LRP6: variants seen among roughly 807,000 people sequenced by gnomAD.
LRP6 encodes low-density lipoprotein receptor-related protein 6.
A neutral mutation model predicts 184.1 loss-of-function variants in LRP6; 43 were observed. That is an observed-to-expected ratio of 0.23 (90% confidence interval 0.18 to 0.30). The LOEUF is 0.30. Ranked by LOEUF, LRP6 falls within the 10% of genes least tolerant of loss-of-function variation. LRP6 has a pLI of 1.00. For synonymous variants in LRP6, 719 were observed against 684.9 expected, an observed-to-expected ratio of 1.05 and a Z score of -0.78; for missense variants, 1,571 against 2,005.3, an observed-to-expected ratio of 0.78 and a Z score of 4.14.
chr12:12,213,165 G>A (rs943185857), intron 2 of LRP6, among the ~76,000 whole-genome samples: 1 of 151,996 alleles, frequency 6.6e-6, no homozygotes, highest in East Asian at 1.9e-4. Context: ...AAAATCAAAT[G>A]TGTGTGGAAG....
chr12:12,208,367 C>CA (rs916063141), intron 2 of LRP6, among the ~76,000 whole-genome samples: 17 of 152,148 alleles, frequency 1.1e-4, no homozygotes, highest in African/African-American at 3.9e-4. Flanking sequence ...TAACAATCAA[C>CA]AAAAAAATAT....
At chr12:12,261,378 G>A (rs1191528547) in intron 1 of LRP6, among the ~76,000 whole-genome samples, 1 of 151,190 alleles carries the variant, frequency 6.6e-6, no homozygotes, top group Non-Finnish European at 1.5e-5. Flanking sequence ...ACTCCAGCCT[G>A]GGCGACAGAG....
intron 2 of LRP6, among the ~76,000 whole-genome samples, chr12:12,209,543 T>C (rs1864151958): frequency 6.6e-6 from 1 of 152,194 alleles, no homozygotes; most frequent in African/African-American, 2.4e-5. Flanking sequence ...CAGATGTGCC[T>C]TCATTTGTGC....
In LRP6 at chr12:12,159,087, T is replaced by C. The variant is rs774860358; in HGVS notation, c.2533A>G (p.Ile845Val). Reference protein sequence around the residue: ...PFGLTQYQDYIYWTDWSRRSI... With the variant: ...PFGLTQYQDYVYWTDWSRRSI... The stretch of plus-strand genomic sequence containing the variant: ...CGTCGGCTCCAGTCCGTCCAGTAGA[T>C]ATAATCTTGGTACTGAGTTAAGCCA... Residue 845 changes from isoleucine to valine, a missense_variant, in exon 12 of 23, where the codon ATC becomes GTC. Ile to Val is a conservative substitution (Grantham distance 29). This residue lies in a region of LRP6 where 158 missense variants were observed against 258.4 expected (regional missense o/e 0.61). Transcript: ENST00000261349. 1 of 1,614,162 alleles carries C rather than the reference T, an allele frequency of 6.2e-7. No homozygotes were observed. Among genetic ancestry groups the C allele is most frequent in the South Asian group, 1.1e-5 (1 of 91,082 alleles).
At chr12:12,155,355 C>CAA in intron 12 of LRP6, 1 of 766,540 alleles carries the variant, frequency 1.3e-6, no homozygotes, top group South Asian at 1.3e-5. Context: ...CACCTATATG[C>CAA]AAATCTGTAA....
chr12:12,199,362 A>G (rs928277010), intron 3 of LRP6, among the ~76,000 whole-genome samples: 1 of 152,202 alleles, frequency 6.6e-6, no homozygotes, highest in African/African-American at 2.4e-5. Context: ...CACTGGCAGG[A>G]ACTTTGAAGT....
chr12:12,123,489 T>C (rs997105205), intron 22 of LRP6, among the ~76,000 whole-genome samples: 3 of 152,196 alleles, frequency 2.0e-5, no homozygotes, highest in African/African-American at 7.2e-5. Context: ...ATCAGGCCAA[T>C]TTGACTGAAA....
chr12:12,263,890 C>G (rs187523059), intron 1 of LRP6, among the ~76,000 whole-genome samples: 18 of 151,966 alleles, frequency 1.2e-4, no homozygotes, highest in Admixed American at 1.3e-4. Context: ...ACACCTGTAA[C>G]CTGTAATCCC....
At chr12:12,196,020 G>T (rs2137025108) in intron 3 of LRP6, among the ~76,000 whole-genome samples, 1 of 152,180 alleles carries the variant, frequency 6.6e-6, no homozygotes, top group East Asian at 1.9e-4. Flanking sequence ...ATTAATTTCT[G>T]GGTTTTCTAT....
At chr12:12,153,276 G>A (rs1460803655) in intron 12 of LRP6, among the ~76,000 whole-genome samples, 3 of 152,142 alleles carry the variant, frequency 2.0e-5, no homozygotes, top group African/African-American at 4.8e-5. Context: ...ATCACTTGAG[G>A]CTGGGAGTTC....
At position 12,151,025 on chromosome 12, in the gene LRP6, G is replaced by A. The variant is rs552294451; in HGVS notation, c.2805C>T (p.Phe935=). The change falls in exon 13 of 23, where the codon TTC becomes TTT. Residue 935 remains phenylalanine, a synonymous_variant. Transcript: ENST00000261349. ...DNRTCSAPTT[F]LLFSQKSAIN... is the part of the protein sequence containing the mutation. ...TGGCACTCTTTTGACTGAAGAGCAGGAAAGTCGTAGGAGCTTAAAAGGAAG... is the reference window on the plus strand; with the variant it reads ...TGGCACTCTTTTGACTGAAGAGCAGAAAAGTCGTAGGAGCTTAAAAGGAAG... The A allele has an allele frequency of 2.5e-6, 4 of 1,613,864 alleles. No individual in the cohort carries two copies. The highest frequency in any genetic ancestry group is 3.4e-6 in the Non-Finnish European group (4 of 1,179,926).
intron 15 of LRP6, among the ~76,000 whole-genome samples, chr12:12,143,438 C>A (rs777709402): frequency 6.6e-6 from 1 of 151,942 alleles, no homozygotes; most frequent in Non-Finnish European, 1.5e-5. Flanking sequence ...ATGGAAATTG[C>A]GGTAGTTAAC....
chr12:12,242,787 G>A (rs989513246), intron 2 of LRP6, among the ~76,000 whole-genome samples: 15 of 152,066 alleles, frequency 9.9e-5, no homozygotes, highest in African/African-American at 3.6e-4. Context: ...TGTATTTCCA[G>A]ACATCTCCCT....
intron 1 of LRP6, among the ~76,000 whole-genome samples, chr12:12,247,682 A>G (rs1865221660): frequency 6.6e-6 from 1 of 152,200 alleles, no homozygotes; most frequent in Non-Finnish European, 1.5e-5. Flanking sequence ...CTGTTCAGCA[A>G]CATATTAAAT....
At chr12:12,201,119 G>C (rs1345077853) in intron 3 of LRP6, among the ~76,000 whole-genome samples, 1 of 152,128 alleles carries the variant, frequency 6.6e-6, no homozygotes, top group East Asian at 1.9e-4. Flanking sequence ...CAAAAACCTA[G>C]TAGCTTGCTT....
intron 2 of LRP6, among the ~76,000 whole-genome samples, chr12:12,236,220 C>A (rs1864929208): frequency 6.6e-6 from 1 of 151,954 alleles, no homozygotes; most frequent in African/African-American, 2.4e-5. Context: ...GAGCAAAACT[C>A]CGTCTCAAAA....
intron 7 of LRP6, among the ~76,000 whole-genome samples, chr12:12,174,999 AAT>A (rs900451195): frequency 6.6e-6 from 1 of 152,348 alleles, no homozygotes; most frequent in African/African-American, 2.4e-5. Flanking sequence ...TAGACATGAA[AAT>A]CTCTCTTTTT....
rs1592002225 is a variant in LRP6 at position 12,267,010 on chromosome 12, T to C, written c.-275A>G. ...CCCGCTTCCCCCGCGCAGCTCCTCATTCAGCCTCTGCCTCGCGCAGCGGCG... is the reference window on the plus strand; with the variant it reads ...CCCGCTTCCCCCGCGCAGCTCCTCACTCAGCCTCTGCCTCGCGCAGCGGCG... On this transcript the variant is annotated 5_prime_UTR_variant, in exon 1 of 23. The change abolishes an upstream ATG in the 5' untranslated region. Transcript: ENST00000261349. 1 of 494,824 alleles carries C rather than the reference T, an allele frequency of 2.0e-6. No homozygotes were observed. Among genetic ancestry groups the C allele is most frequent in the Admixed American group, 4.2e-5 (1 of 24,050 alleles). The allele number at this position is 494,824 out of a possible 1,614,324, so 30.7% of individuals were successfully genotyped here. A position where few individuals can be genotyped will look rare whatever the true frequency, so the allele number is the denominator to read the frequency against.
chr12:12,238,693 T>C (rs1215297141), intron 2 of LRP6, among the ~76,000 whole-genome samples: 2 of 151,970 alleles, frequency 1.3e-5, no homozygotes, highest in Admixed American at 1.3e-4. Context: ...GCAAAATAAA[T>C]ACATTTTTAG....
Sources: allele counts gnomAD v4.1 joint callset (sites outside exome capture counted in the v4.1 genomes callset), GRCh38; gene constraint gnomAD v4.1.1; regional missense constraint gnomAD v4.1.1; transcripts MANE v1.5; gene names NCBI Gene and HGNC (gene_info 2026-07-23, HGNC 2026-07-21).